The following PCDH15 variants were observed in gnomAD, a reference collection of about 807,000 sequenced individuals.
PCDH15 encodes protocadherin-15.
In PCDH15, 129 loss-of-function variants were observed where a neutral mutation model predicts 178.5. The ratio of observed to expected loss-of-function variants is 0.72; its 90% CI spans 0.63 to 0.84. PCDH15 has a LOEUF of 0.84. Ranked by LOEUF, PCDH15 falls within the 40% of genes least tolerant of loss-of-function variation. The pLI, the probability that PCDH15 is intolerant of heterozygous loss-of-function variation, is 0.00. For missense variants in PCDH15, 2,230 were observed against 2,099.9 expected, an observed-to-expected ratio of 1.06 and a Z score of -1.21; for synonymous variants, 800 against 732.0, an observed-to-expected ratio of 1.09 and a Z score of -1.50.
intron 3 of PCDH15, among the ~76,000 whole-genome samples, chr10:54,483,963 T>TA (rs1453658704): frequency 6.6e-6 from 1 of 151,924 alleles, no homozygotes; most frequent in Non-Finnish European, 1.5e-5. Flanking sequence ...TTTTAATACC[T>TA]ATGCTATTCC....
intron 3 of PCDH15, among the ~76,000 whole-genome samples, chr10:54,472,795 C>G (rs1045840468): frequency 6.6e-6 from 1 of 152,028 alleles, no homozygotes; most frequent in Non-Finnish European, 1.5e-5. Flanking sequence ...AAGGAGTGGA[C>G]AGGTGTTTAT....
At chr10:55,599,586 A>G (rs150527228) in intron 2 of PCDH15, 9 of 171,270 alleles carry the variant, frequency 5.3e-5, no homozygotes, top group African/African-American at 2.1e-4. Context: ...AAGTAACATT[A>G]AGACATTATC....
At chr10:55,257,655 A>C (rs1465506611) in intron 1 of PCDH15, among the ~76,000 whole-genome samples, 1 of 152,210 alleles carries the variant, frequency 6.6e-6, no homozygotes, top group African/African-American at 2.4e-5. Flanking sequence ...AAATGAAGTG[A>C]GAAGAGAACT....
chr10:54,134,657 G>T (rs1192125760), intron 14 of PCDH15, among the ~76,000 whole-genome samples: 3 of 151,514 alleles, frequency 2.0e-5, no homozygotes, highest in African/African-American at 7.3e-5. Flanking sequence ...GGAGGCTGAG[G>T]CAGGAGAATG....
chr10:54,599,754 A>C, intron 2 of PCDH15: 1 of 492,838 alleles, frequency 2.0e-6, no homozygotes, highest in Non-Finnish European at 3.8e-6. Flanking sequence ...AGGAGGTAAA[A>C]GATGAGGGTG....
At chr10:54,835,953 TA>T (rs1181986345) in intron 3 of PCDH15, among the ~76,000 whole-genome samples, 2 of 152,126 alleles carry the variant, frequency 1.3e-5, no homozygotes, top group Admixed American at 6.6e-5. Context: ...TCAATCTCTT[TA>T]AAAGATACCA....
intron 20 of PCDH15, among the ~76,000 whole-genome samples, chr10:54,005,545 G>A (rs1040655946): frequency 7.2e-5 from 11 of 151,966 alleles, no homozygotes; most frequent in African/African-American, 2.4e-4. Flanking sequence ...TGATAAACCG[G>A]TATATAAAAA....
Position 54,329,674 on chromosome 10 carries a change from C to T in PCDH15, c.627G>A (p.Met209Ile). The T allele has an allele frequency of 1.2e-6, 2 of 1,607,278 alleles. No individual in the cohort carries two copies. Among genetic ancestry groups the T allele is most frequent in the Non-Finnish European group, 1.7e-6 (2 of 1,174,162 alleles). Reference protein sequence around the residue: ...TSNDTFEIPLMLTGNIVLRKR... With the variant: ...TSNDTFEIPLILTGNIVLRKR... ...TCCTTAACACTATATTTCCAGTCAA[C>T]ATTAGGGGAATTTCAAAGGTGTCAT... The change falls in exon 7 of 38, where the codon ATG becomes ATA. Residue 209 changes from methionine (M) to isoleucine (I), a missense_variant. Transcript: ENST00000644397.
chr10:55,449,856 G>T (rs2132079473), intron 2 of PCDH15, among the ~76,000 whole-genome samples: 1 of 152,002 alleles, frequency 6.6e-6, no homozygotes, highest in East Asian at 1.9e-4. Flanking sequence ...GTTCAGTTGT[G>T]CCAGAAGAAC....
intron 18 of PCDH15, among the ~76,000 whole-genome samples, chr10:54,063,430 G>A (rs1470920289): frequency 1.3e-5 from 2 of 151,988 alleles, no homozygotes; most frequent in Non-Finnish European, 2.9e-5. Flanking sequence ...TTTTGCACAT[G>A]CCCCTGTTAT....
At chr10:54,535,709 CAAAAA>C (rs71010382) in intron 2 of PCDH15, among the ~76,000 whole-genome samples, 15 of 42,600 alleles carry the variant, frequency 3.5e-4, no homozygotes, top group East Asian at 1.4e-3. Context: ...GACTCCACCT[CAAAAA>C]AAAAAAAAAA....
chr10:54,101,505 A>G (rs1459896155), intron 15 of PCDH15, among the ~76,000 whole-genome samples: 2 of 152,224 alleles, frequency 1.3e-5, no homozygotes, highest in African/African-American at 2.4e-5. Flanking sequence ...TAATAGATCA[A>G]ACACTAACAT....
intron 3 of PCDH15, among the ~76,000 whole-genome samples, chr10:54,491,952 C>A (rs1342451426): frequency 6.6e-6 from 1 of 152,038 alleles, no homozygotes; most frequent in Non-Finnish European, 1.5e-5. Flanking sequence ...ACAAAAGCAC[C>A]CACGGTGATC....
intron 2 of PCDH15, among the ~76,000 whole-genome samples, chr10:54,617,083 G>T (rs1314811266): frequency 6.6e-6 from 1 of 150,930 alleles, no homozygotes; most frequent in Non-Finnish European, 1.5e-5. Flanking sequence ...TTTAAGTAGA[G>T]ACTGGATTTC....
At chr10:55,273,261 G>T (rs1004863937) in intron 1 of PCDH15, among the ~76,000 whole-genome samples, 2 of 151,990 alleles carry the variant, frequency 1.3e-5, no homozygotes, top group East Asian at 1.9e-4. Flanking sequence ...GTTGAACAAA[G>T]ATTTAAATTC....
chr10:54,906,176 A>G (rs1591774932), intron 2 of PCDH15, among the ~76,000 whole-genome samples: 1 of 152,236 alleles, frequency 6.6e-6, no homozygotes, highest in East Asian at 1.9e-4. Flanking sequence ...AAAAGAATCC[A>G]ACATCCAATT....
intron 2 of PCDH15, among the ~76,000 whole-genome samples, chr10:55,394,029 C>A (rs1837863101): frequency 6.6e-6 from 1 of 151,906 alleles, no homozygotes; most frequent in South Asian, 2.1e-4. Flanking sequence ...CCCATTGTGT[C>A]ATAGGGACCC....
chr10:53,835,978 T>A (rs1441236052), intron 29 of PCDH15, among the ~76,000 whole-genome samples: 1 of 151,992 alleles, frequency 6.6e-6, no homozygotes, highest in African/African-American at 2.4e-5. Flanking sequence ...CTTGTGCAAT[T>A]CCCCAGACCT....
chr10:54,943,673 G>A (rs1255711976), intron 2 of PCDH15, among the ~76,000 whole-genome samples: 3 of 151,640 alleles, frequency 2.0e-5, no homozygotes, highest in Admixed American at 1.3e-4. Flanking sequence ...GTTTCTCTGC[G>A]ACTCAACATC....
Sources: allele counts gnomAD v4.1 joint callset (sites outside exome capture counted in the v4.1 genomes callset), GRCh38; gene constraint gnomAD v4.1.1; transcripts MANE v1.5; gene names NCBI Gene and HGNC (gene_info 2026-07-23, HGNC 2026-07-21).